LTBP1: variants seen among roughly 807,000 people sequenced by gnomAD.
LTBP1 encodes the protein latent-transforming growth factor beta-binding protein 1.
In LTBP1, 129 loss-of-function variants were observed where a neutral mutation model predicts 207.6. The ratio of observed to expected loss-of-function variants is 0.62; its 90% CI spans 0.54 to 0.72. LTBP1 has a LOEUF of 0.72. Ranked by LOEUF, LTBP1 falls within the 30% of genes least tolerant of loss-of-function variation. LTBP1 has a pLI of 0.00. For synonymous variants in LTBP1, 963 were observed against 833.7 expected, an observed-to-expected ratio of 1.16 and a Z score of -2.67; for missense variants, 2,281 against 2,217.2, an observed-to-expected ratio of 1.03 and a Z score of -0.58.
At chr2:33,086,567 C>T (rs1334974921) in intron 3 of LTBP1, among the ~76,000 whole-genome samples, 3 of 152,182 alleles carry the variant, frequency 2.0e-5, no homozygotes, top group Admixed American at 1.3e-4. Context: ...GTCCTTGATA[C>T]TAGTGTGTCG....
chr2:33,318,288 G>A (rs2094302565), intron 24 of LTBP1, among the ~76,000 whole-genome samples: 1 of 152,182 alleles, frequency 6.6e-6, no homozygotes, highest in South Asian at 2.1e-4. Context: ...AAAGAATGGT[G>A]TAATTCACAG....
intron 5 of LTBP1, among the ~76,000 whole-genome samples, chr2:33,164,763 T>C (rs999757524): frequency 6.6e-6 from 1 of 152,212 alleles, no homozygotes; most frequent in African/African-American, 2.4e-5. Context: ...ATTCCAACGA[T>C]TGACATTCAT....
At chr2:33,372,167 T>A (rs1017691219) in intron 31 of LTBP1, among the ~76,000 whole-genome samples, 1 of 152,174 alleles carries the variant, frequency 6.6e-6, no homozygotes, top group Non-Finnish European at 1.5e-5. Context: ...AGTGGTCACG[T>A]ACCAGTAAGT....
intron 9 of LTBP1, among the ~76,000 whole-genome samples, chr2:33,237,898 T>C (rs1045865451): frequency 2.0e-5 from 3 of 152,174 alleles, no homozygotes; most frequent in Admixed American, 2.0e-4. Context: ...CTTAGGCAGA[T>C]GACTTCAAAA....
intron 2 of LTBP1, among the ~76,000 whole-genome samples, chr2:32,958,163 A>G (rs1404258553): frequency 6.6e-6 from 1 of 152,070 alleles, no homozygotes. Context: ...AATCTCGGAC[A>G]GTCAAGCTTG....
intron 31 of LTBP1, among the ~76,000 whole-genome samples, chr2:33,385,858 G>A (rs2095261421): frequency 1.3e-5 from 2 of 152,198 alleles, no homozygotes; most frequent in South Asian, 2.1e-4. Flanking sequence ...AGAAGACATG[G>A]TGCAGAAAGG....
chr2:33,341,729 A>AAAATATATATATATATATATATAT (rs745445793), intron 24 of LTBP1, among the ~76,000 whole-genome samples: 3 of 93,636 alleles, frequency 3.2e-5, no homozygotes, highest in African/African-American at 5.1e-5. Flanking sequence ...AAAAAAAAAA[A>AAAATATATATATATATATATATAT]ATATATATAT....
intron 9 of LTBP1, among the ~76,000 whole-genome samples, chr2:33,241,774 T>C (rs189019147): frequency 9.2e-4 from 140 of 152,308 alleles, no homozygotes; most frequent in African/African-American, 3.2e-3. Context: ...TTGGGACATA[T>C]AATAGGGCTT....
intron 16 of LTBP1, among the ~76,000 whole-genome samples, 170 bp from the exon 17 acceptor site, chr2:33,274,795 G>T (rs2093393043): frequency 6.6e-6 from 1 of 152,138 alleles, no homozygotes. Flanking sequence ...TCTCTTCCAG[G>T]AACAATCCTT....
chr2:33,209,393 C>G (rs1326145570), intron 7 of LTBP1, among the ~76,000 whole-genome samples: 4 of 152,164 alleles, frequency 2.6e-5, no homozygotes, highest in Non-Finnish European at 5.9e-5. Flanking sequence ...GGTCTTGGTT[C>G]TCTGGCACCA....
At position 33,300,477 on chromosome 2, in the gene LTBP1, CTA is replaced by C; in HGVS notation, c.3264_3265del (p.Val1090LysfsTer25). 6.2e-7 allele frequency: 1 copy of C among 1,613,588 alleles called. No individual in the cohort carries two copies. The highest frequency in any genetic ancestry group is 8.5e-7 in the Non-Finnish European group (1 of 1,179,686). On this transcript the variant is annotated frameshift_variant, in exon 21 of 34. Coordinates refer to ENST00000404816, the MANE Select transcript of LTBP1 (RefSeq NM_206943.4). LOFTEE classifies it high-confidence loss of function. ...TATTGATGAATGTCAGCAAGGGAAT[CTA>C]TGTGTAAACGGGCAGTGCAAAAATA... is the stretch of plus-strand genomic sequence containing the variant. Reference protein sequence around the residue: ...RDIDECQQGNLCVNGQCKNTE... With the variant: ...RDIDECQQGNXCVNGQCKNTE...
chr2:33,256,712 A>G (rs1213550923), intron 11 of LTBP1, among the ~76,000 whole-genome samples: 1 of 127,646 alleles, frequency 7.8e-6, no homozygotes, highest in Non-Finnish European at 1.6e-5. Flanking sequence ...TATATATGGG[A>G]TGGAGGGCTA....
intron 11 of LTBP1, among the ~76,000 whole-genome samples, chr2:33,255,532 C>T (rs967133578): frequency 2.4e-4 from 37 of 152,228 alleles, no homozygotes; most frequent in Middle Eastern, 3.4e-3. Flanking sequence ...CACATGCACA[C>T]GTATGTTTAT....
intron 4 of LTBP1, among the ~76,000 whole-genome samples, chr2:33,125,815 G>T (rs1305150932): frequency 2.0e-4 from 28 of 139,730 alleles, no homozygotes. Context: ...GGGCAACAGA[G>T]CAAGACTCCG....
intron 15 of LTBP1, among the ~76,000 whole-genome samples, chr2:33,271,695 G>A (rs2093325638): frequency 6.6e-6 from 1 of 152,054 alleles, no homozygotes; most frequent in Non-Finnish European, 1.5e-5. Flanking sequence ...CATAAAACTT[G>A]GATCTACTTC....
chr2:33,199,922 T>C (rs999765402), intron 7 of LTBP1, among the ~76,000 whole-genome samples: 2 of 152,172 alleles, frequency 1.3e-5, no homozygotes, highest in Non-Finnish European at 2.9e-5. Flanking sequence ...TTACAAAGGA[T>C]GTGAAGGACC....
At chr2:32,975,755 G>A (rs1283001622) in intron 2 of LTBP1, among the ~76,000 whole-genome samples, 1 of 151,840 alleles carries the variant, frequency 6.6e-6, no homozygotes. Context: ...TATCAGATGA[G>A]TTTGGTTATT....
chr2:33,018,167 C>A (rs1469433095), intron 2 of LTBP1, among the ~76,000 whole-genome samples: 2 of 147,018 alleles, frequency 1.4e-5, no homozygotes, highest in Non-Finnish European at 3.0e-5. Context: ...TTTTTTTTAA[C>A]TTTTATGACT....
At chr2:33,389,674 G>A (rs534056158) in intron 32 of LTBP1, among the ~76,000 whole-genome samples, 26 of 152,284 alleles carry the variant, frequency 1.7e-4, no homozygotes, top group African/African-American at 5.8e-4. Context: ...GAGTCTCGCT[G>A]TGTCACCCAG....
Sources: allele counts gnomAD v4.1 joint callset (sites outside exome capture counted in the v4.1 genomes callset), GRCh38; gene constraint gnomAD v4.1.1; transcripts MANE v1.5; gene names NCBI Gene and HGNC (gene_info 2026-07-23, HGNC 2026-07-21).